PCYT2: variants seen among roughly 807,000 people sequenced by gnomAD.
PCYT2 encodes phosphate cytidylyltransferase 2, ethanolamine.
In PCYT2, 33 loss-of-function variants were observed where a neutral mutation model predicts 50.0. That is an observed-to-expected ratio of 0.66 (90% confidence interval 0.50 to 0.88). PCYT2 has a LOEUF of 0.88. PCYT2 is among the 40% of genes least tolerant of loss of function. The pLI is 0.00. For missense variants in PCYT2, 430 were observed against 519.7 expected (o/e 0.83, Z 1.68); for synonymous variants, 240 against 203.7 (o/e 1.18, Z -1.52).
intron 10 of PCYT2, 77 bp downstream of exon 10, chr17:81,905,593 C>T: frequency 1.3e-6 from 2 of 1,512,062 alleles, no homozygotes; most frequent in Admixed American, 1.7e-5. Flanking sequence ...TAGGAGCCCA[C>T]AGCCAGCCTG....
In PCYT2 at chr17:81,902,500, C is replaced by T. The variant is rs2039993020; in HGVS notation, c.*2333G>A. The T allele has an allele frequency of 7.0e-7, 1 of 1,425,014 alleles. No homozygotes were observed. The highest frequency in any genetic ancestry group is 1.5e-5 in the South Asian group (1 of 68,912). The allele number at this position is 1,425,014 out of a possible 1,614,324, so 88.3% of individuals were successfully genotyped here. ...CGGGGCCGGCGCCTCCCCGGAGCTG[C>T]AACTGCACCCCAGGCTGCGGAGCCT... On this transcript the variant is annotated 3_prime_UTR_variant, in exon 13 of 13. Transcript: ENST00000538936.
Position 81,909,542 on chromosome 17 carries a change from G to C in PCYT2, c.150C>G (p.Asp50Glu). 6.2e-7 allele frequency: 1 copy of C among 1,613,644 alleles called. No individual in the cohort carries two copies. The highest frequency in any genetic ancestry group is 8.5e-7 in the Non-Finnish European group (1 of 1,179,782). The change falls in exon 2 of 13, where the codon GAC (aspartate) becomes GAG (glutamate). Residue 50 changes from aspartate (D) to glutamate (E), a missense_variant. Physicochemically the swap from Asp to Glu is conservative, Grantham distance 45. Coordinates refer to ENST00000538936, the MANE Select transcript of PCYT2 (RefSeq NM_002861.5). Reference protein sequence around the residue: ...NQLRQARAMGDYLIVGVHTDE... With the variant: ...NQLRQARAMGEYLIVGVHTDE... ...CGGTGTGCACGCCTACGATGAGGTAGTCACCCATGGCCCGTGCCTGGCGCA... is the reference window on the plus strand; with the variant it reads ...CGGTGTGCACGCCTACGATGAGGTACTCACCCATGGCCCGTGCCTGGCGCA...
rs1259407156 is a variant in PCYT2 at position 81,902,153 on chromosome 17, A to T, written c.*2680T>A. 1 of 928,028 alleles carries T rather than the reference A, an allele frequency of 1.1e-6. No homozygotes were observed. The highest frequency in any genetic ancestry group is 1.4e-6 in the Non-Finnish European group (1 of 726,864). 57.5% of individuals were successfully genotyped at this position (928,028 alleles called of 1,614,324 possible). ...CCTCCGCGCGCGCCCGCTGCACCCCAGCCCGCCCGCCGCCCCTCCCGGCCC... is the reference window on the plus strand; with the variant it reads ...CCTCCGCGCGCGCCCGCTGCACCCCTGCCCGCCCGCCGCCCCTCCCGGCCC... On this transcript the variant is annotated 3_prime_UTR_variant, in exon 13 of 13. Transcript: ENST00000538936.
At chr17:81,906,943 G>A in intron 6 of PCYT2, 45 bp from the exon 7 acceptor site, 1 of 1,593,414 alleles carries the variant, frequency 6.3e-7, no homozygotes, top group Non-Finnish European at 8.6e-7. Context: ...AGGCCTCCCA[G>A]GTGCTGCCCT....
chr17:81,911,201 T>A, intron 1 of PCYT2, 66 bp downstream of exon 1: 1 of 1,019,416 alleles, frequency 9.8e-7, no homozygotes, highest in Non-Finnish European at 1.2e-6. Flanking sequence ...GGGCAACGGC[T>A]GGCGCGGCGC....
Position 81,905,579 on chromosome 17 carries a change from C to T in PCYT2, c.903+91G>A, listed in dbSNP as rs575554423. The stretch of plus-strand genomic sequence containing the variant: ...CTCAGCCCAGGTACCTCCTGGGCCC[C>T]GCCTAGGAGCCCACAGCCAGCCTGC... On this transcript the variant is annotated intron_variant, in intron 10 of 12. Coordinates refer to ENST00000538936, the MANE Select transcript of PCYT2 (RefSeq NM_002861.5). 276 of 1,455,652 alleles carry T rather than the reference C, an allele frequency of 1.9e-4. 1 individual carries two copies. The highest frequency in any genetic ancestry group is 2.4e-4 in the Non-Finnish European group (255 of 1,041,522). The allele number at this position is 1,455,652 out of a possible 1,614,324, so 90.2% of individuals were successfully genotyped here.
chr17:81,908,711 C>CCCTGG, intron 3 of PCYT2, 77 bp from the exon 4 acceptor site: 1 of 1,374,590 alleles, frequency 7.3e-7, no homozygotes, highest in South Asian at 1.2e-5. Flanking sequence ...CCCTCTCGGC[C>CCCTGG]CCTGGCCTGC....
In PCYT2 at chr17:81,907,849, T is replaced by A. The variant is rs1484609685; in HGVS notation, c.416A>T (p.Lys139Met). Reference sequence around the variant, plus strand: ...TGTGGTGGACACCCCTTGCGTGCGCTTGCATTCTCTGGGGGACACAGTGGG... The same window carrying A: ...TGTGGTGGACACCCCTTGCGTGCGCATGCATTCTCTGGGGGACACAGTGGG... ...VKQAGRYREC[K>M]RTQGVSTTDL... Residue 139 changes from lysine (K) to methionine (M), a missense_variant, in exon 5 of 13, where the codon AAG (lysine) becomes ATG (methionine). Around this residue, in one of 4 missense-constraint regions of PCYT2, gnomAD observed 117 missense variants for 163.9 expected, o/e 0.71. Transcript: ENST00000538936. The A allele has an allele frequency of 6.2e-7, 1 of 1,608,162 alleles. No individual in the cohort carries two copies. Among genetic ancestry groups the A allele is most frequent in the African/African-American group, 1.3e-5 (1 of 74,846 alleles).
chr17:81,902,182 G>T lies in PCYT2; in HGVS notation c.*2651C>A. 1.0e-6 allele frequency: 1 copy of T among 985,406 alleles called. No homozygotes were observed. Among genetic ancestry groups the T allele is most frequent in the Non-Finnish European group, 1.3e-6 (1 of 775,172 alleles). 61.0% of individuals were successfully genotyped at this position (985,406 alleles called of 1,614,324 possible). A position where few individuals can be genotyped will look rare whatever the true frequency, so the allele number is the denominator to read the frequency against. The stretch of plus-strand genomic sequence containing the variant: ...CGCCCGCCGCCCCTCCCGGCCCTCC[G>T]CAGCCTCGGCCCGCCCTCGCCGCAG... On this transcript the variant is annotated 3_prime_UTR_variant, in exon 13 of 13. Transcript: ENST00000538936.
intron 2 of PCYT2, 21 bp downstream of exon 2, chr17:81,909,493 G>A (rs372317426): frequency 3.1e-6 from 5 of 1,598,124 alleles, no homozygotes; most frequent in East Asian, 4.5e-5. Flanking sequence ...GCCGCGGGTG[G>A]GCGAGGCCAT....
At chr17:81,904,986 C>T (rs1169609779) in intron 12 of PCYT2, 42 bp from the exon 13 acceptor site, 12 of 1,590,356 alleles carry the variant, frequency 7.5e-6, no homozygotes, top group South Asian at 2.2e-5. Context: ...GCCCATGAGG[C>T]GGCTCCGAGG....
intron 7 of PCYT2, 75 bp downstream of exon 7, chr17:81,906,685 C>G: frequency 6.3e-7 from 1 of 1,597,620 alleles, no homozygotes; most frequent in Non-Finnish European, 8.6e-7. Context: ...CTGGGGGCCC[C>G]AAGGAGTCAA....
chr17:81,906,759 C>T lies in PCYT2; in HGVS notation c.676+1G>A, dbSNP rs758848008. The T allele has an allele frequency of 6.8e-6, 11 of 1,612,384 alleles. No individual in the cohort carries two copies. The highest frequency in any genetic ancestry group is 4.0e-5 in the African/African-American group (3 of 75,040). On this transcript the variant is annotated splice_donor_variant, in intron 7 of 12. Coordinates refer to ENST00000538936, the MANE Select transcript of PCYT2 (RefSeq NM_002861.5). LOFTEE classifies it high-confidence loss of function. The stretch of plus-strand genomic sequence containing the variant: ...GGGAGCAGCAGAGGCCCAGAGGATA[C>T]GGAACAGGTCGAAGGCACCAGCCAC...
intron 6 of PCYT2, 40 bp downstream of exon 6, chr17:81,907,514 G>A (rs1319306972): frequency 6.3e-7 from 1 of 1,581,202 alleles, no homozygotes; most frequent in East Asian, 2.3e-5. Flanking sequence ...GGAGCCCCCT[G>A]CAGCTGCGTG....
chr17:81,911,343 C>T lies in PCYT2; in HGVS notation c.13G>A (p.Gly5Arg). The change falls in exon 1 of 13, where the codon GGG (glycine) becomes AGG (arginine). Residue 5 changes from glycine (G) to arginine (R), a missense_variant. Transcript: ENST00000538936. MIRN[G>R]RGAAGGAEQP... Reference sequence around the variant, plus strand: ...TCTGCGCCGCCTGCAGCCCCGCGCCCGTTCCGGATCATGGCCCCGCAGCGG... The same window carrying T: ...TCTGCGCCGCCTGCAGCCCCGCGCCTGTTCCGGATCATGGCCCCGCAGCGG... The T allele has an allele frequency of 4.6e-6, 5 of 1,092,276 alleles. No individual in the cohort carries two copies. The highest frequency in any genetic ancestry group is 5.6e-6 in the Non-Finnish European group (5 of 892,530). The allele number at this position is 1,092,276 out of a possible 1,614,324, so 67.7% of individuals were successfully genotyped here. A position where few individuals can be genotyped will look rare whatever the true frequency, so the allele number is the denominator to read the frequency against.
intron 10 of PCYT2, 81 bp from the exon 11 acceptor site, chr17:81,905,528 G>T: frequency 6.8e-7 from 1 of 1,466,600 alleles, no homozygotes; most frequent in South Asian, 1.2e-5. Context: ...GGCCCCGGGG[G>T]TTGGGAGAGC....
chr17:81,907,897 C>T (rs1407875360), intron 4 of PCYT2, 40 bp from the exon 5 acceptor site: 1 of 1,519,926 alleles, frequency 6.6e-7, no homozygotes, highest in South Asian at 1.2e-5. Flanking sequence ...TCCTGGGACA[C>T]TCGCAAGGCT....
intron 1 of PCYT2, 59 bp from the exon 2 acceptor site, chr17:81,909,661 G>GT: frequency 1.2e-5 from 16 of 1,318,292 alleles, no homozygotes; most frequent in Non-Finnish European, 1.8e-5. Context: ...AGGTGTCCCT[G>GT]TGGGTTAGGG....
chr17:81,905,454 A>G lies in PCYT2; in HGVS notation c.904-7T>C, dbSNP rs1210263897. On this transcript the variant is annotated splice_region_variant and splice_polypyrimidine_tract_variant and intron_variant, in intron 10 of 12. Coordinates refer to ENST00000538936, the MANE Select transcript of PCYT2 (RefSeq NM_002861.5). Reference sequence around the variant, plus strand: ...CGTGACACACCAGGTCCACCTGGAGAAGGAGTGGGGTCAGGAGCCCTCCCC... The same window carrying G: ...CGTGACACACCAGGTCCACCTGGAGGAGGAGTGGGGTCAGGAGCCCTCCCC... 5 of 1,564,490 alleles carry G rather than the reference A, an allele frequency of 3.2e-6. No individual in the cohort carries two copies. The highest frequency in any genetic ancestry group is 1.2e-5 in the South Asian group (1 of 85,670).
Sources: allele counts gnomAD v4.1 joint callset, GRCh38; gene constraint gnomAD v4.1.1; regional missense constraint gnomAD v4.1.1; transcripts MANE v1.5; gene names NCBI Gene and HGNC (gene_info 2026-07-23, HGNC 2026-07-21).